The following OR56A1 variants were observed in gnomAD, a reference collection of about 807,000 sequenced individuals.
OR56A1 encodes the protein olfactory receptor 56A1.
For missense variants in OR56A1, 360 were observed against 380.9 expected, an observed-to-expected ratio of 0.94 and a Z score of 0.46; for synonymous variants, 174 against 159.1, an observed-to-expected ratio of 1.09 and a Z score of -0.70.
chr11:6,030,927 T>C (rs545302737), upstream of OR56A1, among the ~76,000 whole-genome samples: 9 of 152,302 alleles, frequency 5.9e-5, no homozygotes, highest in African/African-American at 2.2e-4. Flanking sequence ...ATTAGCCCAG[T>C]GCTTGACATG....
In OR56A1 at chr11:6,027,063, C is replaced by T; in HGVS notation, c.630G>A (p.Leu210=). 1 of 1,614,164 alleles carries T rather than the reference C, an allele frequency of 6.2e-7. No homozygotes were observed. The highest frequency in any genetic ancestry group is 1.1e-5 in the South Asian group (1 of 91,082). ...GGAAGATGAGGAATAAATCTGAGCC[C>T]AGCAAGGTCCAACCAGCCACAAATT... ...IYQFVAGWTL[L]GSDLFLIFLS... Residue 210 remains leucine, a synonymous_variant, in exon 2 of 2, where the codon CTG becomes CTA. Coordinates refer to ENST00000641900, the MANE Select transcript of OR56A1 (RefSeq NM_001388488.1).
In OR56A1 at chr11:6,027,262, A is replaced by G. The variant is rs1287271768; in HGVS notation, c.431T>C (p.Val144Ala). 6.2e-7 allele frequency: 1 copy of G among 1,614,258 alleles called. No homozygotes were observed. The highest frequency in any genetic ancestry group is 1.7e-5 in the Admixed American group (1 of 60,034). The change falls in exon 2 of 2, where the codon GTG becomes GCG. Residue 144 changes from valine to alanine, a missense_variant. Val to Ala is a moderately conservative substitution (Grantham distance 64, BLOSUM62 0). Coordinates refer to ENST00000641900, the MANE Select transcript of OR56A1 (RefSeq NM_001388488.1). ...RYPSIITNQFVAKASVFIVVR... is the reference protein window; with the variant it reads ...RYPSIITNQFAAKASVFIVVR... ...CACAATGAAGACACTAGCTTTGGCC[A>G]CAAATTGATTAGTGATGATGGATGG... is the stretch of plus-strand genomic sequence containing the variant.
upstream of OR56A1, chr11:6,034,245 A>G (rs921623722): frequency 6.6e-6 from 1 of 152,228 alleles, no homozygotes; most frequent in African/African-American, 2.4e-5. Flanking sequence ...TCTAGGTCCA[A>G]TATAGCCTAG....
chr11:6,032,821 C>T (rs1848525514), upstream of OR56A1, among the ~76,000 whole-genome samples: 1 of 152,120 alleles, frequency 6.6e-6, no homozygotes, highest in African/African-American at 2.4e-5. Flanking sequence ...CTAATATAAA[C>T]ATAAAATGAT....
chr11:6,028,987 C>T (rs74703551), intron 1 of OR56A1, among the ~76,000 whole-genome samples: 8,554 of 152,072 alleles, frequency 0.056, 343 homozygotes, highest in Non-Finnish European at 0.08. Context: ...TTTGCAGCAA[C>T]GTAGATAGAA....
At position 6,027,186 on chromosome 11, in the gene OR56A1, G is replaced by C; in HGVS notation, c.507C>G (p.Leu169=). 2.5e-6 allele frequency: 4 copies of C among 1,614,200 alleles called. No homozygotes were observed. Among genetic ancestry groups the C allele is most frequent in the Non-Finnish European group, 3.4e-6 (4 of 1,180,022 alleles). ...TAPIPILTSL[L]HYCGENVIEN... is the part of the protein sequence containing the mutation. ...CAATGACATTTTCCCCACAGTAATG[G>C]AGCAGGGAAGTGAGGATAGGAATGG... The change falls in exon 2 of 2, where the codon CTC becomes CTG. Residue 169 remains leucine, a synonymous_variant. Transcript: ENST00000641900.
In OR56A1 at chr11:6,020,861, G is replaced by C. The variant is rs573201522; in HGVS notation, c.*5887C>G. Reference sequence around the variant, plus strand: ...ATACTATGTTGAACAGAAGTGGTGAGAGAAGGCATCTTTGCCTTGTGCCAG... The same window carrying C: ...ATACTATGTTGAACAGAAGTGGTGACAGAAGGCATCTTTGCCTTGTGCCAG... On this transcript the variant is annotated 3_prime_UTR_variant, in exon 2 of 2. Transcript: ENST00000641900. 8.5e-5 allele frequency: 13 copies of C among 152,194 alleles called. No homozygotes were observed. The highest frequency in any genetic ancestry group is 7.2e-4 in the Admixed American group (11 of 15,286). The allele number at this position is 152,194 out of a possible 1,614,324, so 9.4% of individuals were successfully genotyped here. A position where few individuals can be genotyped will look rare whatever the true frequency, so the allele number is the denominator to read the frequency against.
intron 1 of OR56A1, among the ~76,000 whole-genome samples, chr11:6,029,240 A>G (rs759383035): frequency 2.0e-5 from 3 of 152,164 alleles, no homozygotes; most frequent in African/African-American, 7.2e-5. Context: ...CTACTATACA[A>G]TCTATGCATG....
Position 6,027,408 on chromosome 11 carries a change from G to A in OR56A1, c.285C>T (p.Ile95=), listed in dbSNP as rs747945306. ...TCTGGAGGAAGCAGGCAGGGAAGCT[G>A]ATCGACCTAAGATCATACCAGAAGA... ...LAIFWYDLRS[I]SFPACFLQMF... The change falls in exon 2 of 2, where the codon ATC becomes ATT. Residue 95 remains isoleucine (I), a synonymous_variant. Transcript: ENST00000641900. The A allele has an allele frequency of 2.5e-6, 4 of 1,614,236 alleles. No individual in the cohort carries two copies. The Admixed American group carries it at 5.0e-5, about 20-fold the overall frequency.
chr11:6,033,751 G>A (rs915126635), upstream of OR56A1, among the ~76,000 whole-genome samples: 1 of 151,842 alleles, frequency 6.6e-6, no homozygotes, highest in East Asian at 1.9e-4. Flanking sequence ...GGCAAAATAA[G>A]GACCACTAGA....
In OR56A1 at chr11:6,026,736, T is replaced by C. The variant is rs770148363; in HGVS notation, c.*12A>G. Reference sequence around the variant, plus strand: ...GAGGAAGAACAGGAGGTATTAGAAATGCTTTACATATTCACCTCCCTCTCT... The same window carrying C: ...GAGGAAGAACAGGAGGTATTAGAAACGCTTTACATATTCACCTCCCTCTCT... On this transcript the variant is annotated 3_prime_UTR_variant, in exon 2 of 2. Transcript: ENST00000641900. The C allele has an allele frequency of 6.7e-6, 10 of 1,485,836 alleles. No individual in the cohort carries two copies. In the Admixed American group the frequency reaches 9.4e-5, roughly 14 times the overall value. The allele number at this position is 1,485,836 out of a possible 1,614,324, so 92.0% of individuals were successfully genotyped here. A position where few individuals can be genotyped will look rare whatever the true frequency, so the allele number is the denominator to read the frequency against.
At position 6,025,661 on chromosome 11, in the gene OR56A1, A is replaced by G. The variant is rs1325241268; in HGVS notation, c.*1087T>C. 2.0e-5 allele frequency: 3 copies of G among 152,190 alleles called. No individual in the cohort carries two copies. Among genetic ancestry groups the G allele is most frequent in the Non-Finnish European group, 2.9e-5 (2 of 68,040 alleles). 9.4% of individuals were successfully genotyped at this position (152,190 alleles called of 1,614,324 possible). ...CTGAGGTCCTATGGCATAAGTACCA[A>G]TTAGGGACAGCATCCTTCCTCAGAT... On this transcript the variant is annotated 3_prime_UTR_variant, in exon 2 of 2. Coordinates refer to ENST00000641900, the MANE Select transcript of OR56A1 (RefSeq NM_001388488.1).
chr11:6,027,803 A>G, intron 1 of OR56A1, 77 bp from the exon 2 acceptor site: 1 of 917,220 alleles, frequency 1.1e-6, no homozygotes, highest in Non-Finnish European at 1.7e-6. Flanking sequence ...ACTCTTTAGG[A>G]AGCCAATGAT....
intron 1 of OR56A1, 118 bp downstream of exon 1, chr11:6,030,584 T>G (rs1388647617): frequency 1.3e-5 from 2 of 152,112 alleles, no homozygotes; most frequent in Non-Finnish European, 2.9e-5. Flanking sequence ...ACACCCCATC[T>G]CCCTTGCTCC....
upstream of OR56A1, among the ~76,000 whole-genome samples, chr11:6,033,566 T>C (rs1186479486): frequency 4.6e-5 from 7 of 151,958 alleles, no homozygotes; most frequent in East Asian, 1.2e-3. Context: ...CAGGGCACTA[T>C]GCATTAAAAA....
At chr11:6,031,527 A>T (rs1361070675), upstream of OR56A1, among the ~76,000 whole-genome samples, 1 of 152,182 alleles carries the variant, frequency 6.6e-6, no homozygotes, top group Non-Finnish European at 1.5e-5. Context: ...GGCACTGAGG[A>T]TGGGAAGAAG....
chr11:6,027,348 G>A lies in OR56A1; in HGVS notation c.345C>T (p.Ser115=). 6.2e-7 allele frequency: 1 copy of A among 1,614,240 alleles called. No homozygotes were observed. The highest frequency in any genetic ancestry group is 8.5e-7 in the Non-Finnish European group (1 of 1,180,040). ...FIMNSFLPME[S]CTFMVMAYDR... is the part of the protein sequence containing the mutation. ...CATAGGCCATGACCATAAACGTGCA[G>A]GACTCCATGGGGAGGAAACTGTTCA... Residue 115 remains serine, a synonymous_variant, in exon 2 of 2, where the codon TCC becomes TCT. Transcript: ENST00000641900.
rs1454107007 is a variant in OR56A1, at chr11:6,021,606, C to T, written c.*5142G>A. Reference sequence around the variant, plus strand: ...GAAAGTAGGTTCAAATGCAGTGTCACTCCAAAAGAAGTCACATTGTTCGAT... The same window carrying T: ...GAAAGTAGGTTCAAATGCAGTGTCATTCCAAAAGAAGTCACATTGTTCGAT... On this transcript the variant is annotated 3_prime_UTR_variant, in exon 2 of 2. Transcript: ENST00000641900. 6.6e-6 allele frequency: 1 copy of T among 151,944 alleles called. No homozygotes were observed. Among genetic ancestry groups the T allele is most frequent in the Non-Finnish European group, 1.5e-5 (1 of 67,964 alleles). The allele number at this position is 151,944 out of a possible 1,614,324, so 9.4% of individuals were successfully genotyped here.
chr11:6,023,073 G>A lies in OR56A1; in HGVS notation c.*3675C>T, dbSNP rs992651989. Reference sequence around the variant, plus strand: ...TGCCCTATGAGCAGGAAGTACAGGAGTTTTCTAAACGGACTTGTCACGTTC... The same window carrying A: ...TGCCCTATGAGCAGGAAGTACAGGAATTTTCTAAACGGACTTGTCACGTTC... On this transcript the variant is annotated 3_prime_UTR_variant, in exon 2 of 2. Coordinates refer to ENST00000641900, the MANE Select transcript of OR56A1 (RefSeq NM_001388488.1). 2 of 152,180 alleles carry A rather than the reference G, an allele frequency of 1.3e-5. No homozygotes were observed. Among genetic ancestry groups the A allele is most frequent in the Non-Finnish European group, 2.9e-5 (2 of 68,020 alleles). 9.4% of individuals were successfully genotyped at this position (152,180 alleles called of 1,614,324 possible).
Sources: gnomAD v4.1 joint callset for allele counts (sites outside exome capture counted in the v4.1 genomes callset) on GRCh38, gnomAD v4.1.1 for gene constraint, MANE v1.5 for transcripts, NCBI Gene and HGNC (gene_info 2026-07-23, HGNC 2026-07-21) for gene names.